Variants in CSMD1 observed in about 807,000 individuals in gnomAD.
CSMD1 encodes CUB and sushi domain-containing protein 1.
In CSMD1, 213 loss-of-function variants were observed where a neutral mutation model predicts 417.5. The ratio of observed to expected loss-of-function variants is 0.51; its 90% confidence interval spans 0.46 to 0.57. The LOEUF is 0.57. Ranked by LOEUF, CSMD1 falls within the 20% of genes least tolerant of loss-of-function variation. The pLI is 0.00. For missense variants in CSMD1, 6,923 were observed against 4,529.7 expected (o/e 1.53, Z -15.17); for synonymous variants, 2,862 against 1,736.8 (o/e 1.65, Z -16.11).
intron 1 of CSMD1, among the ~76,000 whole-genome samples, chr8:4,828,081 C>T (rs902902053): frequency 6.6e-6 from 1 of 152,038 alleles, no homozygotes; most frequent in African/African-American, 2.4e-5. Context: ...GTCCAATATT[C>T]TTCAGTCTTT....
intron 5 of CSMD1, among the ~76,000 whole-genome samples, chr8:3,874,929 T>G (rs573082185): frequency 6.6e-6 from 1 of 152,098 alleles, no homozygotes; most frequent in Non-Finnish European, 1.5e-5. Context: ...GGGGAAGACC[T>G]TGGGGCCTGA....
intron 1 of CSMD1, among the ~76,000 whole-genome samples, chr8:4,792,053 A>G (rs1362253036): frequency 6.6e-6 from 1 of 152,098 alleles, no homozygotes; most frequent in Non-Finnish European, 1.5e-5. Context: ...TTCTTACCCA[A>G]GATTCACTGC....
At chr8:4,171,702 A>C (rs1584953202) in intron 3 of CSMD1, among the ~76,000 whole-genome samples, 1 of 149,510 alleles carries the variant, frequency 6.7e-6, no homozygotes, top group East Asian at 1.9e-4. Flanking sequence ...TAATTTGCTT[A>C]TTCTGATATT....
chr8:3,834,183 C>G (rs1228385555), intron 5 of CSMD1, among the ~76,000 whole-genome samples: 3 of 151,984 alleles, frequency 2.0e-5, no homozygotes, highest in African/African-American at 7.2e-5. Context: ...CCTATTCTAT[C>G]AACAGTTATT....
chr8:4,789,895 G>A (rs1419671943), intron 1 of CSMD1, among the ~76,000 whole-genome samples: 1 of 152,112 alleles, frequency 6.6e-6, no homozygotes, highest in Non-Finnish European at 1.5e-5. Flanking sequence ...CTAAGTAATA[G>A]AATTTAGTAG....
chr8:3,276,757 G>A (rs1207762484), intron 26 of CSMD1, among the ~76,000 whole-genome samples: 2 of 152,040 alleles, frequency 1.3e-5, no homozygotes, highest in Non-Finnish European at 2.9e-5. Context: ...TAGATGAAGA[G>A]GTATTCATTA....
chr8:3,341,778 T>C (rs899582139), intron 23 of CSMD1, among the ~76,000 whole-genome samples: 7 of 152,194 alleles, frequency 4.6e-5, no homozygotes, highest in Non-Finnish European at 1.0e-4. Flanking sequence ...CAAAATTTAA[T>C]TTACCCACAG....
intron 3 of CSMD1, among the ~76,000 whole-genome samples, chr8:4,276,326 G>T (rs1233517995): frequency 6.6e-6 from 1 of 152,162 alleles, no homozygotes; most frequent in Non-Finnish European, 1.5e-5. Context: ...CCTTTGCAGG[G>T]ACATGGATGA....
chr8:4,944,263 G>A (rs1206022415), intron 1 of CSMD1, among the ~76,000 whole-genome samples: 1 of 152,194 alleles, frequency 6.6e-6, no homozygotes, highest in Admixed American at 6.6e-5. Context: ...ACAGAGCTCT[G>A]AGGATTCTAT....
At chr8:4,932,353 C>T in intron 1 of CSMD1, among the ~76,000 whole-genome samples, 1 of 150,760 alleles carries the variant, frequency 6.6e-6, no homozygotes, top group Middle Eastern at 3.5e-3. Flanking sequence ...AAAAAAAACA[C>T]TCAAAGTCTG....
intron 5 of CSMD1, among the ~76,000 whole-genome samples, chr8:3,824,143 C>G (rs1245691673): frequency 1.3e-5 from 2 of 151,978 alleles, no homozygotes; most frequent in African/African-American, 2.4e-5. Flanking sequence ...CATTCACCAG[C>G]CGAGTCAAAC....
At chr8:4,301,498 C>G (rs1055689809) in intron 3 of CSMD1, among the ~76,000 whole-genome samples, 4 of 152,138 alleles carry the variant, frequency 2.6e-5, no homozygotes, top group Non-Finnish European at 5.9e-5. Flanking sequence ...CATAAGATCT[C>G]TATTGAAAGC....
intron 5 of CSMD1, among the ~76,000 whole-genome samples, chr8:3,797,187 GTCAAAGAACTTCAATCTGAAATA>G (rs1368711552): frequency 1.3e-5 from 2 of 151,826 alleles, no homozygotes; most frequent in Non-Finnish European, 2.9e-5. Context: ...AACTTGAAAT[GTCAAAGAACTTCAATCTGAAATA>G]TCAAAGAACT....
chr8:4,133,066 G>C (rs1424536015), intron 3 of CSMD1, among the ~76,000 whole-genome samples: 1 of 152,076 alleles, frequency 6.6e-6, no homozygotes, highest in African/African-American at 2.4e-5. Context: ...CTCTTGAGTA[G>C]TTGGGACTAC....
chr8:3,004,363 T>C (rs1034880643), intron 52 of CSMD1, among the ~76,000 whole-genome samples: 8 of 152,166 alleles, frequency 5.3e-5, no homozygotes, highest in Admixed American at 1.3e-4. Flanking sequence ...CTGGATTTCT[T>C]GAGAAGTGTG....
At chr8:3,602,630 G>C (rs1384483536) in intron 8 of CSMD1, among the ~76,000 whole-genome samples, 1 of 151,700 alleles carries the variant, frequency 6.6e-6, no homozygotes, top group Non-Finnish European at 1.5e-5. Flanking sequence ...CAAACACATG[G>C]CTAAGAGTCA....
chr8:4,738,396 T>C (rs1810378599), intron 1 of CSMD1, among the ~76,000 whole-genome samples: 1 of 152,232 alleles, frequency 6.6e-6, no homozygotes, highest in Non-Finnish European at 1.5e-5. Flanking sequence ...GTTTTTCAAA[T>C]GGTGGCAGAA....
chr8:4,069,730 C>T (rs1563082220), intron 3 of CSMD1, among the ~76,000 whole-genome samples: 2 of 152,114 alleles, frequency 1.3e-5, no homozygotes, highest in African/African-American at 2.4e-5. Context: ...CTCTAGGCAC[C>T]TTGAGTTTAG....
At chr8:3,358,570 C>T (rs146997370) in intron 21 of CSMD1, among the ~76,000 whole-genome samples, 1 of 152,074 alleles carries the variant, frequency 6.6e-6, no homozygotes, top group African/African-American at 2.4e-5. Flanking sequence ...TACTTCATGG[C>T]AAAGTACCGA....
Sources: gnomAD v4.1 joint callset for allele counts (sites outside exome capture counted in the v4.1 genomes callset) on GRCh38, gnomAD v4.1.1 for gene constraint, MANE v1.5 for transcripts, NCBI Gene and HGNC (gene_info 2026-07-23, HGNC 2026-07-21) for gene names.